Variants in MTFR1 observed in about 807,000 individuals in gnomAD.
MTFR1 encodes the protein chondrocyte protein with a poly-proline region.
A neutral mutation model predicts 38.8 loss-of-function variants in MTFR1; 28 were observed. That is an observed-to-expected ratio of 0.72 (90% CI 0.53 to 0.99). The LOEUF (loss-of-function observed/expected upper bound fraction) is 0.99. Among genes scored for constraint, MTFR1 ranks in the 50% least tolerant of loss-of-function variants. The pLI, the probability that MTFR1 is intolerant of heterozygous loss-of-function variation, is 0.00. For synonymous variants in MTFR1, 145 were observed against 137.0 expected (o/e 1.06, Z -0.41); for missense variants, 358 against 395.5 (o/e 0.91, Z 0.81).
intron 3 of MTFR1, among the ~76,000 whole-genome samples, chr8:65,769,827 T>C (rs1423029509): frequency 6.6e-6 from 1 of 152,064 alleles, no homozygotes; most frequent in Non-Finnish European, 1.5e-5. Context: ...ACCCAGGAAG[T>C]GGAGATTGCA....
intron 3 of MTFR1, among the ~76,000 whole-genome samples, chr8:65,741,212 T>C (rs1242347298): frequency 6.6e-6 from 1 of 152,196 alleles, no homozygotes; most frequent in Non-Finnish European, 1.5e-5. Flanking sequence ...TATTAAAAAG[T>C]CTATTTTAAG....
At chr8:65,685,998 G>A (rs1173726840) in intron 3 of MTFR1, among the ~76,000 whole-genome samples, 1 of 152,134 alleles carries the variant, frequency 6.6e-6, no homozygotes, top group Non-Finnish European at 1.5e-5. Context: ...ACCAAGAGAA[G>A]GTTCCAGTCA....
intron 2 of MTFR1, among the ~76,000 whole-genome samples, chr8:65,671,871 AG>A (rs575089759): frequency 9.1e-4 from 139 of 152,360 alleles, no homozygotes; most frequent in African/African-American, 3.2e-3. Context: ...TAAATGACAG[AG>A]TATGTAAAGC....
intron 3 of MTFR1, among the ~76,000 whole-genome samples, chr8:65,729,721 C>T (rs1298737212): frequency 1.3e-5 from 2 of 150,288 alleles, no homozygotes; most frequent in Non-Finnish European, 3.0e-5. Context: ...TACCACCATG[C>T]CTGACTTTTT....
chr8:65,728,771 T>C (rs751099204), intron 3 of MTFR1, among the ~76,000 whole-genome samples: 1 of 152,170 alleles, frequency 6.6e-6, no homozygotes, highest in African/African-American at 2.4e-5. Context: ...GGCAGAAGAA[T>C]AGACATCCTG....
intron 1 of MTFR1, among the ~76,000 whole-genome samples, chr8:65,648,177 C>T (rs532762724): frequency 6.6e-5 from 10 of 152,150 alleles, no homozygotes; most frequent in East Asian, 5.8e-4. Context: ...CCACTAAGCC[C>T]GGCTAATTTT....
intron 1 of MTFR1, among the ~76,000 whole-genome samples, chr8:65,651,068 T>C (rs540103510): frequency 1.3e-5 from 2 of 152,244 alleles, no homozygotes; most frequent in Non-Finnish European, 2.9e-5. Flanking sequence ...TTTTTTAATA[T>C]ACCCGTTTGC....
intron 3 of MTFR1, among the ~76,000 whole-genome samples, chr8:65,762,193 T>C (rs1381717341): frequency 6.6e-6 from 1 of 152,224 alleles, no homozygotes; most frequent in Non-Finnish European, 1.5e-5. Context: ...AAAACAAACC[T>C]GAAGATGTTC....
At chr8:65,647,226 A>G (rs1808984638) in intron 1 of MTFR1, among the ~76,000 whole-genome samples, 1 of 152,224 alleles carries the variant, frequency 6.6e-6, no homozygotes, top group African/African-American at 2.4e-5. Flanking sequence ...GAACTGGCAA[A>G]TTTATGGATA....
chr8:65,658,643 T>C (rs988911792), intron 1 of MTFR1, among the ~76,000 whole-genome samples: 2 of 152,150 alleles, frequency 1.3e-5, no homozygotes, highest in African/African-American at 4.8e-5. Context: ...CACATTTTCA[T>C]TGATTCATAA....
downstream of MTFR1, chr8:65,714,334 T>C (rs1348130799): frequency 6.6e-6 from 1 of 151,930 alleles, no homozygotes; most frequent in Non-Finnish European, 1.5e-5. Context: ...TAATTCCAAA[T>C]TAATTTGTTC....
intron 3 of MTFR1, among the ~76,000 whole-genome samples, chr8:65,685,047 A>G (rs879522098): frequency 3.3e-5 from 5 of 152,226 alleles, no homozygotes; most frequent in Admixed American, 2.6e-4. Flanking sequence ...AATGTTTTAC[A>G]TATGCTATCA....
intron 2 of MTFR1, among the ~76,000 whole-genome samples, chr8:65,678,298 A>C (rs1402412695): frequency 6.6e-6 from 1 of 152,144 alleles, no homozygotes; most frequent in Non-Finnish European, 1.5e-5. Context: ...GGCTGAATAG[A>C]AAAAAATAGA....
At chr8:65,753,298 G>A (rs1563488729) in intron 3 of MTFR1, among the ~76,000 whole-genome samples, 1 of 152,140 alleles carries the variant, frequency 6.6e-6, no homozygotes, top group African/African-American at 2.4e-5. Context: ...GGAGGTCTTG[G>A]GAGAGAGCAG....
chr8:65,778,558 C>T, the MTFR1 span, among the ~76,000 whole-genome samples: 1 of 152,150 alleles, frequency 6.6e-6, no homozygotes, highest in Non-Finnish European at 1.5e-5. Flanking sequence ...TCCTGATTCT[C>T]GGAATCATGA....
intron 3 of MTFR1, chr8:65,720,713 A>T (rs1037735928): frequency 1.3e-5 from 2 of 152,256 alleles, no homozygotes; most frequent in African/African-American, 2.4e-5. Flanking sequence ...AATAAGACAG[A>T]CAAGATCCCT....
intron 3 of MTFR1, among the ~76,000 whole-genome samples, chr8:65,768,459 C>G (rs1808911753): frequency 6.6e-6 from 1 of 152,168 alleles, no homozygotes; most frequent in Non-Finnish European, 1.5e-5. Flanking sequence ...CCCTGCACAA[C>G]CTCTCTTGCC....
chr8:65,740,526 G>A (rs541381621), intron 3 of MTFR1, among the ~76,000 whole-genome samples: 11 of 152,030 alleles, frequency 7.2e-5, no homozygotes, highest in South Asian at 4.2e-4. Flanking sequence ...TCAGCCTCCC[G>A]AGTAGCAGGG....
intron 3 of MTFR1, among the ~76,000 whole-genome samples, chr8:65,685,700 A>G (rs1805050524): frequency 6.6e-6 from 1 of 152,232 alleles, no homozygotes; most frequent in Admixed American, 6.5e-5. Context: ...AACAGCATGT[A>G]TGTCTGCCCT....
Sources: gnomAD v4.1 joint callset for allele counts (sites outside exome capture counted in the v4.1 genomes callset) on GRCh38, gnomAD v4.1.1 for gene constraint, MANE v1.5 for transcripts, NCBI Gene and HGNC (gene_info 2026-07-23, HGNC 2026-07-21) for gene names.